The following TWSG1 variants were observed in gnomAD, a reference collection of about 807,000 sequenced individuals.
TWSG1 encodes twisted gastrulation BMP signaling modulator 1, also known as twisted gastrulation protein homolog 1.
A neutral mutation model predicts 23.0 loss-of-function variants in TWSG1; 15 were observed. The ratio of observed to expected loss-of-function variants is 0.65; its 90% CI spans 0.44 to 1.00. The LOEUF (loss-of-function observed/expected upper bound fraction) is 1.00. Among genes scored for constraint, TWSG1 ranks in the 50% least tolerant of loss-of-function variants. The pLI is 0.00. For synonymous variants in TWSG1, 86 were observed against 92.8 expected (o/e 0.93, Z 0.42); for missense variants, 242 against 278.7 (o/e 0.87, Z 0.94).
intron 2 of TWSG1, among the ~76,000 whole-genome samples, chr18:9,349,653 ATTAAC>A (rs1333961814): frequency 6.6e-6 from 1 of 152,228 alleles, no homozygotes; most frequent in African/African-American, 2.4e-5. Flanking sequence ...AAACTAAAGA[ATTAAC>A]TTTTTCTTCT....
At chr18:9,364,122 T>C (rs1420541925) in intron 3 of TWSG1, among the ~76,000 whole-genome samples, 1 of 152,262 alleles carries the variant, frequency 6.6e-6, no homozygotes, top group Non-Finnish European at 1.5e-5. Context: ...TCCCATCCTT[T>C]AATATTCCAT....
At chr18:9,370,315 T>TA (rs34521583) in intron 3 of TWSG1, among the ~76,000 whole-genome samples, 30,537 of 144,042 alleles carry the variant, frequency 0.21, 3,367 homozygotes, top group Middle Eastern at 0.33. Context: ...AGACTCCATC[T>TA]AAAAAAAAAA....
chr18:9,338,660 A>C (rs1467180902), intron 2 of TWSG1, among the ~76,000 whole-genome samples: 1 of 152,226 alleles, frequency 6.6e-6, no homozygotes, highest in Non-Finnish European at 1.5e-5. Context: ...TTAATAAGGC[A>C]CGCCTGCTTA....
intron 2 of TWSG1, among the ~76,000 whole-genome samples, chr18:9,345,037 G>T (rs1264986542): frequency 1.3e-5 from 2 of 152,160 alleles, no homozygotes; most frequent in African/African-American, 2.4e-5. Flanking sequence ...GGAATTACAG[G>T]TGTGAGCCAC....
rs966569236 is a variant in TWSG1 at position 9,401,735 on chromosome 18, A to T, written c.*2208A>T. On this transcript the variant is annotated 3_prime_UTR_variant, in exon 5 of 5. Transcript: ENST00000262120. ...TGAATAACAATATTTTTCCAAATTG[A>T]AAGTAAATATTCCAGAAGTTGATAG... 5 of 152,184 alleles carry T rather than the reference A, an allele frequency of 3.3e-5. No individual in the cohort carries two copies. Among genetic ancestry groups the T allele is most frequent in the Non-Finnish European group, 5.9e-5 (4 of 68,010 alleles). The allele number at this position is 152,184 out of a possible 1,614,324, so 9.4% of individuals were successfully genotyped here.
chr18:9,359,946 A>G lies in TWSG1; in HGVS notation c.124-26A>G, dbSNP rs878856687. 3 of 1,593,520 alleles carry G rather than the reference A, an allele frequency of 1.9e-6. No individual in the cohort carries two copies. In the South Asian group the frequency reaches 3.3e-5, roughly 18 times the overall value. ...TTTATATATGATTATTTGGAATTTG[A>G]AGTTTAACATCTGTCTTGTTTCTAG... On this transcript the variant is annotated intron_variant, in intron 2 of 4. Coordinates refer to ENST00000262120, the MANE Select transcript of TWSG1 (RefSeq NM_020648.6).
chr18:9,396,248 AAC>A lies in TWSG1; in HGVS notation c.224-30_224-29del, dbSNP rs755802409. ...TAGCTCTGATTGCAAGGCAGTAACT[AAC>A]AAAATCTTATGATATTACCCCCAAC... On this transcript the variant is annotated intron_variant, in intron 3 of 4. Transcript: ENST00000262120. 1.8e-4 allele frequency: 288 copies of A among 1,604,052 alleles called. 2 individuals carry two copies. In the East Asian group the frequency reaches 6.4e-3, roughly 35 times the overall value.
At chr18:9,338,733 T>C (rs191225995) in intron 2 of TWSG1, among the ~76,000 whole-genome samples, 88 of 152,358 alleles carry the variant, frequency 5.8e-4, no homozygotes, top group African/African-American at 2.0e-3. Flanking sequence ...TATGGTCAGA[T>C]GAGGAGTCTG....
intron 2 of TWSG1, among the ~76,000 whole-genome samples, chr18:9,356,742 A>G (rs1453405589): frequency 1.3e-5 from 2 of 152,166 alleles, no homozygotes; most frequent in African/African-American, 2.4e-5. Flanking sequence ...GCTCATTGAA[A>G]GAGTTTAGAT....
At chr18:9,362,883 ACTTCAT>A (rs2040558813) in intron 3 of TWSG1, among the ~76,000 whole-genome samples, 1 of 152,118 alleles carries the variant, frequency 6.6e-6, no homozygotes, top group Non-Finnish European at 1.5e-5. Context: ...TCATAATGTA[ACTTCAT>A]CTTTCATTTT....
chr18:9,353,936 T>C lies in TWSG1; in HGVS notation c.124-6036T>C, dbSNP rs111456019. On this transcript the variant is annotated intron_variant, in intron 2 of 4. Transcript: ENST00000262120. Reference sequence around the variant, plus strand: ...AGTCCAATTTTACCTTTACAAACAATGATTAAACTTGGGCAATAGCATTTC... The same window carrying C: ...AGTCCAATTTTACCTTTACAAACAACGATTAAACTTGGGCAATAGCATTTC... Among the ~76,000 whole-genome samples the C allele has an allele frequency of 3.2e-3, 488 of 152,354 alleles. 1 individual carries two copies. Among genetic ancestry groups the C allele is most frequent in the Non-Finnish European group, 5.8e-3 (394 of 68,040 alleles).
chr18:9,375,238 C>T (rs1276383195), intron 3 of TWSG1, among the ~76,000 whole-genome samples: 1 of 144,538 alleles, frequency 6.9e-6, no homozygotes. Context: ...AAAAAAAAAT[C>T]ACATGATTAT....
intron 3 of TWSG1, among the ~76,000 whole-genome samples, chr18:9,373,976 CAA>C (rs1277186918): frequency 2.0e-5 from 3 of 152,088 alleles, no homozygotes; most frequent in Admixed American, 6.6e-5. Flanking sequence ...GAAGAAATCT[CAA>C]GAGGAATTTA....
chr18:9,337,717 T>C (rs1471841084), intron 2 of TWSG1, among the ~76,000 whole-genome samples: 1 of 152,248 alleles, frequency 6.6e-6, no homozygotes, highest in African/African-American at 2.4e-5. Context: ...AGATAAATTG[T>C]TACCCTAAGT....
At chr18:9,369,376 C>A (rs2040594427) in intron 3 of TWSG1, among the ~76,000 whole-genome samples, 1 of 152,104 alleles carries the variant, frequency 6.6e-6, no homozygotes, top group South Asian at 2.1e-4. Flanking sequence ...TCAAGCAATT[C>A]TCATGCCTCA....
At chr18:9,394,260 A>G (rs980016848) in intron 3 of TWSG1, among the ~76,000 whole-genome samples, 1 of 152,224 alleles carries the variant, frequency 6.6e-6, no homozygotes, top group African/African-American at 2.4e-5. Flanking sequence ...GCCAACATAG[A>G]TGGAACTGGA....
chr18:9,379,879 A>G (rs7243376), intron 3 of TWSG1, among the ~76,000 whole-genome samples: 38,565 of 152,120 alleles, frequency 0.25, 5,001 homozygotes, highest in East Asian at 0.29. Flanking sequence ...CTTCCTACCC[A>G]TAAACATGGT....
intron 3 of TWSG1, among the ~76,000 whole-genome samples, chr18:9,395,277 G>A (rs774202133): frequency 1.1e-4 from 16 of 152,100 alleles, no homozygotes; most frequent in Admixed American, 6.5e-5. Context: ...ATTGGTGCCC[G>A]CCAGACTTCT....
chr18:9,391,189 C>A lies in TWSG1; in HGVS notation c.224-5091C>A, dbSNP rs1315149749. Reference sequence around the variant, plus strand: ...CTTTGTTCATCCATAAGAAGCAACTCCTCATTTGTTCAAGTTTTATAATGA... The same window carrying A: ...CTTTGTTCATCCATAAGAAGCAACTACTCATTTGTTCAAGTTTTATAATGA... On this transcript the variant is annotated intron_variant, in intron 3 of 4. Transcript: ENST00000262120. Among the ~76,000 whole-genome samples, 3 of 152,180 alleles carry A rather than the reference C, an allele frequency of 2.0e-5. No individual in the cohort carries two copies. In the East Asian group the frequency reaches 5.8e-4, roughly 29 times the overall value.
Sources: gnomAD v4.1 joint callset for allele counts (sites outside exome capture counted in the v4.1 genomes callset) on GRCh38, gnomAD v4.1.1 for gene constraint, MANE v1.5 for transcripts, NCBI Gene and HGNC (gene_info 2026-07-23, HGNC 2026-07-21) for gene names.